The following RICTOR variants were observed in gnomAD, a reference collection of about 807,000 sequenced individuals.
RICTOR encodes the protein RPTOR independent companion of MTOR complex 2.
A neutral mutation model predicts 214.9 loss-of-function variants in RICTOR; 49 were observed. That is an observed-to-expected ratio of 0.23 (90% confidence interval 0.18 to 0.29). RICTOR has a LOEUF of 0.29. RICTOR is among the 10% of genes least tolerant of loss of function. RICTOR has a pLI of 1.00. For synonymous variants in RICTOR, 717 were observed against 711.3 expected (o/e 1.01, Z -0.13); for missense variants, 1,625 against 2,047.0 (o/e 0.79, Z 3.98).
chr5:38,940,891 G>A lies in RICTOR; in HGVS notation c.*1413C>T. The stretch of plus-strand genomic sequence containing the variant: ...CATGGGAAAATATTAATGTTGCTAT[G>A]ACTGTGTCAAAACTGATGTGTAATT... On this transcript the variant is annotated 3_prime_UTR_variant, in exon 38 of 38. Transcript: ENST00000357387. The A allele has an allele frequency of 4.3e-6, 1 of 232,320 alleles. No homozygotes were observed. Among genetic ancestry groups the A allele is most frequent in the Non-Finnish European group, 8.5e-6 (1 of 117,498 alleles). The allele number at this position is 232,320 out of a possible 1,614,324, so 14.4% of individuals were successfully genotyped here. A position where few individuals can be genotyped will look rare whatever the true frequency, so the allele number is the denominator to read the frequency against.
At position 38,949,906 on chromosome 5, in the gene RICTOR, T is replaced by C. The variant is rs375334474; in HGVS notation, c.3942A>G (p.Leu1314=). 1 of 1,613,386 alleles carries C rather than the reference T, an allele frequency of 6.2e-7. No individual in the cohort carries two copies. Among genetic ancestry groups the C allele is most frequent in the Non-Finnish European group, 8.5e-7 (1 of 1,179,596 alleles). Residue 1314 remains leucine, a synonymous_variant, in exon 31 of 38, where the codon CTA becomes CTG. Transcript: ENST00000357387. ...TTGTGTAACTAAAGTTACAATCTGC[T>C]AGACTTTTAATTGTAGCAATAGAGG... ...KAPSIATIKS[L]ADCNFSYTSS...
Position 38,990,635 on chromosome 5 carries a change from C to CAGATATA in RICTOR, c.583+313_583+314insTATATCT, listed in dbSNP as rs1561501619. Among the ~76,000 whole-genome samples, 345 of 46,050 alleles carry CAGATATA rather than the reference C, an allele frequency of 7.5e-3. 18 individuals carry two copies. The highest frequency in any genetic ancestry group is 0.024 in the African/African-American group (302 of 12,730). The allele number at this position is 46,050 out of a possible 152,430, so 30.2% of individuals were successfully genotyped here. On this transcript the variant is annotated intron_variant, in intron 7 of 37. Transcript: ENST00000357387. The stretch of plus-strand genomic sequence containing the variant: ...TATATACGATATATGATATATATAT[C>CAGATATA]TGACATATATCAGATATATGATATA...
Position 38,941,505 on chromosome 5 carries a change from G to A in RICTOR, c.*799C>T, listed in dbSNP as rs528378455. The A allele has an allele frequency of 8.6e-6, 2 of 231,336 alleles. No homozygotes were observed. The highest frequency in any genetic ancestry group is 1.7e-5 in the Non-Finnish European group (2 of 116,700). 14.3% of individuals were successfully genotyped at this position (231,336 alleles called of 1,614,324 possible). On this transcript the variant is annotated 3_prime_UTR_variant, in exon 38 of 38. Transcript: ENST00000357387. ...ATGAGATGGAAAGTTGATGAAAGTG[G>A]AAGTCCATTGCAAATATATGCATTC...
At chr5:39,031,519 G>C (rs75316395) in intron 2 of RICTOR, among the ~76,000 whole-genome samples, 1,544 of 152,178 alleles carry the variant, frequency 0.01, 24 homozygotes, top group African/African-American at 0.034. Context: ...GCTGCACAAT[G>C]AATTAATTCC....
chr5:38,959,690 CAT>C (rs1749614191), intron 21 of RICTOR, 87 bp downstream of exon 21: 7 of 830,404 alleles, frequency 8.4e-6, no homozygotes, highest in Non-Finnish European at 1.2e-5. Flanking sequence ...TAACCAAACA[CAT>C]GTACACAGAA....
chr5:38,996,825 G>T lies in RICTOR; in HGVS notation c.450C>A (p.Val150=). Residue 150 remains valine (V), a synonymous_variant, in exon 6 of 38, where the codon GTC becomes GTA. Transcript: ENST00000357387. ...TCTCACACATAGAGCATACCTTTCT[G>T]ACTAATCGAAGTGCTTGTGTCCTCT... ...EVERTQALRL[V]RKMITVNASL... 6.2e-7 allele frequency: 1 copy of T among 1,606,646 alleles called. No homozygotes were observed. The highest frequency in any genetic ancestry group is 8.5e-7 in the Non-Finnish European group (1 of 1,173,810).
In RICTOR at chr5:39,037,591, A is replaced by C. The variant is rs1756819714; in HGVS notation, c.98-16455T>G. Among the ~76,000 whole-genome samples, 6 of 152,316 alleles carry C rather than the reference A, an allele frequency of 3.9e-5. No individual in the cohort carries two copies. In the South Asian group the frequency reaches 1.2e-3, roughly 32 times the overall value. ...GCTAGCAAGACTAATAAAGAAGAAAAGAGAGAAGAATCAAATAGACGCAAT... is the reference window on the plus strand; with the variant it reads ...GCTAGCAAGACTAATAAAGAAGAAACGAGAGAAGAATCAAATAGACGCAAT... On this transcript the variant is annotated intron_variant, in intron 2 of 37. Transcript: ENST00000357387.
At chr5:38,960,602 T>G (rs1749711913) in intron 19 of RICTOR, 69 bp from the exon 20 acceptor site, 10 of 1,481,616 alleles carry the variant, frequency 6.7e-6, no homozygotes, top group Non-Finnish European at 9.4e-6. Flanking sequence ...TAACCATTAC[T>G]TATGACATAA....
chr5:39,018,684 A>T (rs1755155756), intron 3 of RICTOR, among the ~76,000 whole-genome samples: 1 of 152,046 alleles, frequency 6.6e-6, no homozygotes, highest in Non-Finnish European at 1.5e-5. Flanking sequence ...CAATTCCTCC[A>T]CCAACTAGCT....
chr5:39,039,298 C>T (rs969071679), intron 2 of RICTOR, among the ~76,000 whole-genome samples: 7 of 152,052 alleles, frequency 4.6e-5, no homozygotes, highest in Non-Finnish European at 8.8e-5. Context: ...TTCCTTACAC[C>T]TTATACAAAA....
Position 38,942,264 on chromosome 5 carries a change from A to G in RICTOR, c.*40T>C. On this transcript the variant is annotated 3_prime_UTR_variant, in exon 38 of 38. Coordinates refer to ENST00000357387, the MANE Select transcript of RICTOR (RefSeq NM_152756.5). Reference sequence around the variant, plus strand: ...GCTTTTAGGAAATCCACAAATATGAATATATATAGTATGTATCTATATCCA... The same window carrying G: ...GCTTTTAGGAAATCCACAAATATGAGTATATATAGTATGTATCTATATCCA... 1 of 1,197,212 alleles carries G rather than the reference A, an allele frequency of 8.4e-7. No individual in the cohort carries two copies. Among genetic ancestry groups the G allele is most frequent in the South Asian group, 1.5e-5 (1 of 64,766 alleles). 74.2% of individuals were successfully genotyped at this position (1,197,212 alleles called of 1,614,324 possible). A position where few individuals can be genotyped will look rare whatever the true frequency, so the allele number is the denominator to read the frequency against.
chr5:39,073,667 G>C (rs2150228424), intron 2 of RICTOR, among the ~76,000 whole-genome samples: 1 of 152,334 alleles, frequency 6.6e-6, no homozygotes, highest in South Asian at 2.1e-4. Flanking sequence ...AGCAGGTCCG[G>C]CTTCTGCTCC....
chr5:38,966,887 G>A (rs1277447874), intron 14 of RICTOR, 166 bp from the exon 15 acceptor site: 5 of 585,862 alleles, frequency 8.5e-6, no homozygotes, highest in African/African-American at 1.9e-5. Flanking sequence ...TATAACCTCT[G>A]CCTTCCGGGT....
intron 2 of RICTOR, among the ~76,000 whole-genome samples, chr5:39,037,385 C>A (rs1452097350): frequency 1.3e-5 from 2 of 151,822 alleles, no homozygotes; most frequent in Non-Finnish European, 2.9e-5. Context: ...AAAATTGACA[C>A]CCTAACATCA....
At chr5:39,013,714 C>T (rs1231357006) in intron 3 of RICTOR, among the ~76,000 whole-genome samples, 5 of 151,988 alleles carry the variant, frequency 3.3e-5, no homozygotes, top group African/African-American at 1.2e-4. Context: ...CAAACACACA[C>T]ACACAGAGCT....
intron 7 of RICTOR, among the ~76,000 whole-genome samples, chr5:38,984,998 G>A (rs1306153933): frequency 2.0e-5 from 3 of 152,072 alleles, no homozygotes; most frequent in Non-Finnish European, 2.9e-5. Flanking sequence ...TAGTAGAGAC[G>A]GGGTTTCTCC....
rs779187965 is a variant in RICTOR at position 38,964,810 on chromosome 5, A to T, written c.1382T>A (p.Ile461Asn). 2.5e-6 allele frequency: 4 copies of T among 1,585,980 alleles called. No individual in the cohort carries two copies. Among genetic ancestry groups the T allele is most frequent in the Non-Finnish European group, 3.5e-6 (4 of 1,158,060 alleles). The change falls in exon 16 of 38, where the codon ATC becomes AAC. Residue 461 changes from isoleucine (I) to asparagine (N), a missense_variant. Ile to Asn is a moderately radical substitution (Grantham distance 149). Around this residue, in one of 5 missense-constraint regions of RICTOR, gnomAD observed 1,214 missense variants for 1,470.5 expected, o/e 0.83. Transcript: ENST00000357387. ...TACTTACAGTCTCTTTTCCTTGGGG[A>T]TATCAAAGGATGCAGCCATATTCAT... is the stretch of plus-strand genomic sequence containing the variant. ...TLMNMAASFDIPKEKRLRASA... is the reference protein window; with the variant it reads ...TLMNMAASFDNPKEKRLRASA...
chr5:38,990,510 T>C (rs1413151864), intron 7 of RICTOR, among the ~76,000 whole-genome samples: 1 of 150,668 alleles, frequency 6.6e-6, no homozygotes, highest in African/African-American at 2.4e-5. Flanking sequence ...ATACGATATA[T>C]ACACGATATA....
intron 2 of RICTOR, among the ~76,000 whole-genome samples, chr5:39,053,066 T>G (rs1163732160): frequency 6.6e-6 from 1 of 152,214 alleles, no homozygotes; most frequent in Non-Finnish European, 1.5e-5. Context: ...CCAAACACTT[T>G]CATGAACTAA....
Sources: gnomAD v4.1 joint callset for allele counts (sites outside exome capture counted in the v4.1 genomes callset) on GRCh38, gnomAD v4.1.1 for gene constraint, gnomAD v4.1.1 regional missense constraint, MANE v1.5 for transcripts, NCBI Gene and HGNC (gene_info 2026-07-23, HGNC 2026-07-21) for gene names.